Variants in MYL10 observed in about 807,000 individuals in gnomAD.
MYL10 encodes myosin light chain 10.
MYL10 carries 18 observed loss-of-function variants against 21.9 expected under a neutral mutation model. That is an observed-to-expected ratio of 0.82 (90% CI 0.57 to 1.22). The LOEUF (loss-of-function observed/expected upper bound fraction) is 1.22. MYL10 is among the 50% of genes most tolerant of loss of function. The pLI is 0.00. For missense variants in MYL10, 225 were observed against 230.4 expected, an observed-to-expected ratio of 0.98 and a Z score of 0.15; for synonymous variants, 88 against 82.8, an observed-to-expected ratio of 1.06 and a Z score of -0.34.
chr7:101,623,245 C>G (rs2130742163), intron 3 of MYL10, among the ~76,000 whole-genome samples, 173 bp from the exon 4 acceptor site: 1 of 152,322 alleles, frequency 6.6e-6, no homozygotes, highest in East Asian at 1.9e-4. Flanking sequence ...ACAGCAACTC[C>G]AGTTTGCAGA....
intron 1 of MYL10, among the ~76,000 whole-genome samples, chr7:101,627,695 G>GA (rs1156766747): frequency 6.6e-6 from 1 of 152,240 alleles, no homozygotes; most frequent in African/African-American, 2.4e-5. Context: ...CGGACGCAGG[G>GA]ACTGCCTAAG....
At chr7:101,615,374 T>C (rs1796596983) in intron 6 of MYL10, among the ~76,000 whole-genome samples, 1 of 151,642 alleles carries the variant, frequency 6.6e-6, no homozygotes, top group African/African-American at 2.4e-5. Flanking sequence ...CATGGTGTCC[T>C]TGCCTAACTC....
At chr7:101,627,007 T>C (rs1761388162) in intron 1 of MYL10, among the ~76,000 whole-genome samples, 1 of 151,846 alleles carries the variant, frequency 6.6e-6, no homozygotes, top group Non-Finnish European at 1.5e-5. Context: ...AGTTGAGAAA[T>C]GAGGCCGGGC....
In MYL10 at chr7:101,615,399, C is replaced by T. The variant is rs528584394; in HGVS notation, c.533+821G>A. ...TTGCCTAACTCCTCCTCAGGTTCTC[C>T]CATGCTCCCAGGGCAGACGCAGGGT... On this transcript the variant is annotated intron_variant, in intron 6 of 7. Transcript: ENST00000223167. Among the ~76,000 whole-genome samples the T allele has an allele frequency of 4.0e-5, 6 of 151,790 alleles. No homozygotes were observed. The South Asian group carries it at 1.3e-3, about 32-fold the overall frequency.
intron 1 of MYL10, chr7:101,627,383 A>T (rs1796759074): frequency 2.0e-5 from 3 of 152,548 alleles, no homozygotes; most frequent in Admixed American, 6.5e-5. Context: ...GCAGTGCTGA[A>T]GCCAAAGACA....
chr7:101,614,559 G>A (rs537567663), intron 6 of MYL10, among the ~76,000 whole-genome samples: 1 of 152,314 alleles, frequency 6.6e-6, no homozygotes, highest in East Asian at 1.9e-4. Context: ...GCACTGGTGA[G>A]AGAGAAAGTG....
chr7:101,620,778 C>CTT lies in MYL10; in HGVS notation c.454+1316_454+1317dup, dbSNP rs1392044633. On this transcript the variant is annotated intron_variant, in intron 5 of 7. Transcript: ENST00000223167. ...GGACCACTGCCTGGGCTGACCCTTC[C>CTT]TTTTTTTTTTTTTTTTCTTTTTTTT... Among the ~76,000 whole-genome samples, 34 of 134,028 alleles carry CTT rather than the reference C, an allele frequency of 2.5e-4. 1 individual carries two copies. The highest frequency in any genetic ancestry group is 3.0e-4 in the Admixed American group (4 of 13,380). The allele number at this position is 134,028 out of a possible 152,430, so 87.9% of individuals were successfully genotyped here.
rs769991100 is a variant in MYL10, at chr7:101,624,223, G to A, written c.120C>T (p.Ser40=). ...RARKRAEGTA[S]SNVFSMFDQS... is the part of the protein sequence containing the mutation. ...GATCAAACATGGAGAAGACGTTGGA[G>A]CTGGCGGTGCCTTCTGCTCTTTTCC... is the stretch of plus-strand genomic sequence containing the variant. The change falls in exon 2 of 8, where the codon AGC becomes AGT. Residue 40 remains serine, a synonymous_variant. Transcript: ENST00000223167. The A allele has an allele frequency of 6.2e-7, 1 of 1,613,856 alleles. No homozygotes were observed. The highest frequency in any genetic ancestry group is 8.5e-7 in the Non-Finnish European group (1 of 1,179,912).
chr7:101,617,985 C>G (rs79023769), intron 5 of MYL10, among the ~76,000 whole-genome samples: 19,140 of 150,334 alleles, frequency 0.13, 1,518 homozygotes, highest in South Asian at 0.2. Context: ...TCCCCCATCA[C>G]ACCAGATCAA....
intron 6 of MYL10, among the ~76,000 whole-genome samples, chr7:101,614,653 C>T (rs1796587714): frequency 6.6e-6 from 1 of 152,150 alleles, no homozygotes; most frequent in Non-Finnish European, 1.5e-5. Context: ...GTAGGAGCCA[C>T]AGACCCCGAG....
intron 5 of MYL10, among the ~76,000 whole-genome samples, chr7:101,619,632 G>A (rs1051274314): frequency 1.3e-5 from 2 of 152,148 alleles, no homozygotes; most frequent in East Asian, 3.9e-4. Context: ...GCTTACGCCT[G>A]TAATCCCAGC....
rs1052067135 is a variant in MYL10, at chr7:101,616,952, T to C, written c.455-654A>G. On this transcript the variant is annotated intron_variant, in intron 5 of 7. Coordinates refer to ENST00000223167, the MANE Select transcript of MYL10 (RefSeq NM_138403.5). ...GTCACAGCACAGCCTTGGGGAGAGA[T>C]GTCATTAGAAGAAATTAATCTGATA... Among the ~76,000 whole-genome samples, 3 of 152,138 alleles carry C rather than the reference T, an allele frequency of 2.0e-5. No individual in the cohort carries two copies. The South Asian group carries it at 6.2e-4, about 32-fold the overall frequency.
chr7:101,626,590 C>T (rs964938855), intron 1 of MYL10, among the ~76,000 whole-genome samples: 9 of 152,166 alleles, frequency 5.9e-5, no homozygotes, highest in Admixed American at 2.0e-4. Flanking sequence ...GCAAGCCCTG[C>T]GTCACATGAG....
At chr7:101,620,346 A>T (rs1469890406) in intron 5 of MYL10, among the ~76,000 whole-genome samples, 1 of 151,910 alleles carries the variant, frequency 6.6e-6, no homozygotes, top group Non-Finnish European at 1.5e-5. Context: ...AAAATAAACA[A>T]AGAGGCAGGT....
At chr7:101,619,611 C>T (rs561238603) in intron 5 of MYL10, among the ~76,000 whole-genome samples, 1 of 152,026 alleles carries the variant, frequency 6.6e-6, no homozygotes, top group South Asian at 2.1e-4. Context: ...CACCAGAGGC[C>T]GGGCACGGTG....
In MYL10 at chr7:101,629,067, G is replaced by A. The variant is rs776204129; in HGVS notation, c.52C>T (p.Arg18Trp). 10 of 431,838 alleles carry A rather than the reference G, an allele frequency of 2.3e-5. No individual in the cohort carries two copies. Among genetic ancestry groups the A allele is most frequent in the South Asian group, 1.2e-4 (7 of 60,796 alleles). 26.8% of individuals were successfully genotyped at this position (431,838 alleles called of 1,614,324 possible). A position where few individuals can be genotyped will look rare whatever the true frequency, so the allele number is the denominator to read the frequency against. The change falls in exon 1 of 8, where the codon CGG becomes TGG. Residue 18 changes from arginine (R) to tryptophan (W), a missense_variant. By Grantham distance (101) the Arg-to-Trp change is moderately radical. Transcript: ENST00000223167. ...TGTAATCCCAGCACTTTGGGAGGCC[G>A]AGGAGGGAGGATCACTTGAGGCCAG... The part of the protein sequence containing the change: ...NSWPQVILPP[R>W]PPKVLGLQAP...
rs554110292 is a variant in MYL10 at position 101,629,145 on chromosome 7, T to A, written c.-27A>T. ...GTGAAACTCTGTTTCTACAAAAAAA[T>A]TTTTTTTAATTAAAAAATTAGTCAG... On this transcript the variant is annotated 5_prime_UTR_variant, in exon 1 of 8. Coordinates refer to ENST00000223167, the MANE Select transcript of MYL10 (RefSeq NM_138403.5). The A allele has an allele frequency of 1.2e-4, 39 of 318,570 alleles. No homozygotes were observed. Among genetic ancestry groups the A allele is most frequent in the Admixed American group, 4.0e-4 (9 of 22,722 alleles). The allele number at this position is 318,570 out of a possible 1,614,324, so 19.7% of individuals were successfully genotyped here. A position where few individuals can be genotyped will look rare whatever the true frequency, so the allele number is the denominator to read the frequency against.
Position 101,615,014 on chromosome 7 carries a change from T to A in MYL10, c.533+1206A>T, listed in dbSNP as rs150376699. 3.3e-5 allele frequency among the ~76,000 whole-genome samples: 5 copies of A among 152,210 alleles called. No homozygotes were observed. In the East Asian group the frequency reaches 9.7e-4, roughly 30 times the overall value. On this transcript the variant is annotated intron_variant, in intron 6 of 7. Coordinates refer to ENST00000223167, the MANE Select transcript of MYL10 (RefSeq NM_138403.5). ...CCTGAATCTTGGGTCCTGGGAAGGC[T>A]GCCACTCCCCCGCCCACTCCTGCCT... is the stretch of plus-strand genomic sequence containing the variant.
chr7:101,615,965 C>T (rs113037124), intron 6 of MYL10, among the ~76,000 whole-genome samples: 6 of 152,176 alleles, frequency 3.9e-5, no homozygotes, highest in African/African-American at 7.2e-5. Flanking sequence ...TCCCAAAGTG[C>T]TGAGATTACA....
Sources: gnomAD v4.1 joint callset for allele counts (sites outside exome capture counted in the v4.1 genomes callset) on GRCh38, gnomAD v4.1.1 for gene constraint, MANE v1.5 for transcripts, NCBI Gene and HGNC (gene_info 2026-07-23, HGNC 2026-07-21) for gene names.